ITGB2: variants seen among roughly 807,000 people sequenced by gnomAD.
The protein encoded by ITGB2 is integrin subunit beta 2.
In ITGB2, 56 loss-of-function variants were observed where a neutral mutation model predicts 86.8. The ratio of observed to expected loss-of-function variants is 0.65; its 90% CI spans 0.52 to 0.81. ITGB2 has a LOEUF of 0.81. Ranked by LOEUF, ITGB2 falls within the 30% of genes least tolerant of loss-of-function variation. ITGB2 has a pLI of 0.00. For synonymous variants in ITGB2, 457 were observed against 450.4 expected, an observed-to-expected ratio of 1.01 and a Z score of -0.19; for missense variants, 948 against 1,061.2, an observed-to-expected ratio of 0.89 and a Z score of 1.48.
intron 4 of ITGB2, among the ~76,000 whole-genome samples, chr21:44,904,004 A>C (rs1181755326): frequency 1.3e-5 from 2 of 152,108 alleles, no homozygotes; most frequent in Non-Finnish European, 2.9e-5. Context: ...CCAGCCCTGG[A>C]CTTCCGCTCG....
chr21:44,906,920 C>G lies in ITGB2; in HGVS notation c.323G>C (p.Arg108Pro), dbSNP rs550007417. The change falls in exon 4 of 16, where the codon CGA becomes CCA. Residue 108 changes from arginine to proline, a missense_variant. Transcript: ENST00000652462. ...ACCACCGAGGCCAAGCCTACCTGGT[C>G]GCAGGTAAAGCGTCACTTTTTGTGG... ...LSPQKVTLYL[R>P]PGQAAAFNVT... The G allele has an allele frequency of 3.7e-6, 6 of 1,614,024 alleles. No homozygotes were observed. In the Admixed American group the frequency reaches 1.0e-4, roughly 27 times the overall value.
Position 44,901,629 on chromosome 21 carries a change from A to G in ITGB2, c.604T>C (p.Phe202Leu). The G allele has an allele frequency of 6.2e-7, 1 of 1,614,260 alleles. No homozygotes were observed. The highest frequency in any genetic ancestry group is 1.1e-5 in the South Asian group (1 of 91,090). ...PNKEKECQPP[F>L]AFRHVLKLTN... is the part of the protein sequence containing the mutation. ...AGCTTCAGCACGTGCCTGAAGGCAA[A>G]CGGGGGCTGGCACTCTTTCTCCTTG... is the stretch of plus-strand genomic sequence containing the variant. Residue 202 changes from phenylalanine (F) to leucine (L), a missense_variant, in exon 6 of 16, where the codon TTT becomes CTT. Coordinates refer to ENST00000652462, the MANE Select transcript of ITGB2 (RefSeq NM_000211.5).
At chr21:44,900,268 CG>C in intron 7 of ITGB2, 51 bp downstream of exon 7, 2 of 1,610,374 alleles carry the variant, frequency 1.2e-6, no homozygotes, top group Non-Finnish European at 1.7e-6. Context: ...TTGTCTCCTC[CG>C]TCAGTGGTGT....
upstream of ITGB2, among the ~76,000 whole-genome samples, chr21:44,925,860 C>T (rs1241528599): frequency 6.6e-6 from 1 of 152,140 alleles, no homozygotes. Flanking sequence ...GGGTGGATCA[C>T]GAGGTCAGGA....
intron 11 of ITGB2, 64 bp downstream of exon 11, chr21:44,891,745 G>A (rs2083787819): frequency 3.2e-6 from 5 of 1,569,204 alleles, no homozygotes; most frequent in Non-Finnish European, 4.3e-6. Flanking sequence ...CACCTCACCT[G>A]CCGACACCTG....
At chr21:44,927,256 G>A (rs1480065142) in intron 1 of ITGB2, among the ~76,000 whole-genome samples, 2 of 152,116 alleles carry the variant, frequency 1.3e-5, no homozygotes, top group African/African-American at 2.4e-5. Context: ...GTGGGGAGAG[G>A]GTGGTTCCAG....
chr21:44,908,034 G>C, intron 3 of ITGB2: 1 of 717,324 alleles, frequency 1.4e-6, no homozygotes, highest in South Asian at 1.5e-5. Context: ...CCTCCAGAAA[G>C]GGGAGGGAAA....
At chr21:44,915,313 C>G (rs937488521) in intron 1 of ITGB2, among the ~76,000 whole-genome samples, 17 of 152,102 alleles carry the variant, frequency 1.1e-4, no homozygotes, top group Non-Finnish European at 1.5e-5. Context: ...CGTGAGCCAC[C>G]GTGCCCAGTC....
intron 4 of ITGB2, among the ~76,000 whole-genome samples, chr21:44,904,021 T>C (rs1465384745): frequency 6.6e-6 from 1 of 152,134 alleles, no homozygotes; most frequent in Admixed American, 6.5e-5. Context: ...CTCGCCCGCG[T>C]CTCAGTCACA....
chr21:44,916,846 C>T (rs564262222), intron 1 of ITGB2, among the ~76,000 whole-genome samples: 8 of 127,172 alleles, frequency 6.3e-5, no homozygotes, highest in East Asian at 2.3e-4. Context: ...CCAGCCTGGG[C>T]AACAAGAGTG....
chr21:44,896,372 C>T (rs949324586), intron 8 of ITGB2, among the ~76,000 whole-genome samples: 2 of 152,238 alleles, frequency 1.3e-5, no homozygotes, highest in African/African-American at 4.8e-5. Context: ...AGCCCGGTGA[C>T]ATCGGTTCTG....
chr21:44,908,538 C>T (rs2084080184), intron 3 of ITGB2, among the ~76,000 whole-genome samples: 1 of 152,210 alleles, frequency 6.6e-6, no homozygotes, highest in Non-Finnish European at 1.5e-5. Flanking sequence ...AAGTTCCCCA[C>T]ACTTGCTCTA....
chr21:44,918,260 C>T (rs2084240432), intron 1 of ITGB2, among the ~76,000 whole-genome samples: 1 of 152,230 alleles, frequency 6.6e-6, no homozygotes, highest in Non-Finnish European at 1.5e-5. Flanking sequence ...CAGGCAGGAC[C>T]ACGGTTCTCT....
chr21:44,902,863 C>A (rs895292161), intron 5 of ITGB2, among the ~76,000 whole-genome samples: 42 of 152,202 alleles, frequency 2.8e-4, no homozygotes, highest in African/African-American at 9.7e-4. Flanking sequence ...GGGAAGGTGG[C>A]AGAGTGCCGA....
chr21:44,926,806 G>C (rs1321361846), intron 1 of ITGB2: 1 of 152,270 alleles, frequency 6.6e-6, no homozygotes, highest in Non-Finnish European at 1.5e-5. Flanking sequence ...ATGTATTCCA[G>C]AAAACTACCT....
At chr21:44,891,431 G>A (rs919236442) in intron 11 of ITGB2, among the ~76,000 whole-genome samples, 6 of 152,214 alleles carry the variant, frequency 3.9e-5, no homozygotes, top group African/African-American at 9.6e-5. Context: ...AAGGAAGGTC[G>A]GGCAGAGAAA....
chr21:44,886,270 A>T lies in ITGB2; in HGVS notation c.*98T>A. ...GCGGAAAATAACTGGATTTCTGGTTAATTGGTGACATCCTCAAGAGCTGTG... is the reference window on the plus strand; with the variant it reads ...GCGGAAAATAACTGGATTTCTGGTTTATTGGTGACATCCTCAAGAGCTGTG... On this transcript the variant is annotated 3_prime_UTR_variant, in exon 16 of 16. Coordinates refer to ENST00000652462, the MANE Select transcript of ITGB2 (RefSeq NM_000211.5). 8.8e-7 allele frequency: 1 copy of T among 1,130,218 alleles called. No homozygotes were observed. Among genetic ancestry groups the T allele is most frequent in the Non-Finnish European group, 1.4e-6 (1 of 740,280 alleles). The allele number at this position is 1,130,218 out of a possible 1,614,324, so 70.0% of individuals were successfully genotyped here.
chr21:44,899,184 C>T (rs754503023), intron 7 of ITGB2, 22 bp from the exon 8 acceptor site: 3 of 1,579,578 alleles, frequency 1.9e-6, no homozygotes, highest in Admixed American at 3.4e-5. Context: ...AGGTCCTGCT[C>T]AGTTGGCCCC....
intron 1 of ITGB2, among the ~76,000 whole-genome samples, chr21:44,920,367 C>A (rs971344094): frequency 2.0e-5 from 3 of 152,176 alleles, no homozygotes; most frequent in African/African-American, 7.2e-5. Context: ...CACTGCGAGT[C>A]GATCTGGAGA....
Sources: gnomAD v4.1 joint callset for allele counts (sites outside exome capture counted in the v4.1 genomes callset) on GRCh38, gnomAD v4.1.1 for gene constraint, MANE v1.5 for transcripts, NCBI Gene and HGNC (gene_info 2026-07-23, HGNC 2026-07-21) for gene names.